Variants in GULP1 observed in about 807,000 individuals in gnomAD.
GULP1 encodes GULP PTB domain containing engulfment adaptor 1.
A neutral mutation model predicts 40.9 loss-of-function variants in GULP1; 19 were observed. The observed-to-expected ratio is 0.46, with a 90% CI of 0.32 to 0.68. GULP1 has a LOEUF of 0.68. GULP1 is among the 30% of genes least tolerant of loss of function. The probability of loss-of-function intolerance (pLI) is 0.03; values close to 1 mark genes in which losing one functional copy is unlikely to be tolerated. For missense variants in GULP1, 312 were observed against 362.2 expected, an observed-to-expected ratio of 0.86 and a Z score of 1.12; for synonymous variants, 119 against 117.6, an observed-to-expected ratio of 1.01 and a Z score of -0.08.
In GULP1 at chr2:188,412,255, T is replaced by G. The variant is rs1031845093; in HGVS notation, c.-45+28366T>G. Among the ~76,000 whole-genome samples the G allele has an allele frequency of 6.7e-4, 102 of 152,204 alleles. 1 individual carries two copies. The highest frequency in any genetic ancestry group is 2.1e-3 in the African/African-American group (89 of 41,532). On this transcript the variant is annotated intron_variant, in intron 2 of 11. Coordinates refer to ENST00000409830, the MANE Select transcript of GULP1 (RefSeq NM_016315.4). ...TAAAACCATCAGATCTCGTGAGAACTCACTCACTTTCATGAGAATAGCAAA... is the reference window on the plus strand; with the variant it reads ...TAAAACCATCAGATCTCGTGAGAACGCACTCACTTTCATGAGAATAGCAAA...
Position 188,563,545 on chromosome 2 carries a change from AT to A in GULP1, c.400-5686del, listed in dbSNP as rs555444563. On this transcript the variant is annotated intron_variant, in intron 7 of 11. Transcript: ENST00000409830. ...TATATTTATATTTTTAAAAAATTAT[AT>A]TTTTTTTATCTTTTTTTTATATTTT... Among the ~76,000 whole-genome samples, 313 of 149,338 alleles carry A rather than the reference AT, an allele frequency of 2.1e-3. 1 individual carries two copies. Among genetic ancestry groups the A allele is most frequent in the African/African-American group, 4.4e-3 (182 of 40,946 alleles).
At chr2:188,592,732 G>C (rs184976450) in intron 11 of GULP1, 1 of 151,922 alleles carries the variant, frequency 6.6e-6, no homozygotes, top group Non-Finnish European at 1.5e-5. Context: ...GTTTACATTG[G>C]ATTTATAGAA....
At position 188,541,219 on chromosome 2, in the gene GULP1, T is replaced by G. The variant is rs1690398372; in HGVS notation, c.300T>G (p.Phe100Leu). Residue 100 changes from phenylalanine to leucine, a missense_variant, in exon 7 of 12, where the codon TTT (phenylalanine) becomes TTG (leucine). Coordinates refer to ENST00000409830, the MANE Select transcript of GULP1 (RefSeq NM_016315.4). ...QHNCQLHRIS[F>L]CADDKTDKRI... Reference sequence around the variant, plus strand: ...ATTGCCAGCTTCATAGAATATCTTTTTGTGCAGATGATAAAACTGACAAGA... The same window carrying G: ...ATTGCCAGCTTCATAGAATATCTTTGTGTGCAGATGATAAAACTGACAAGA... 3 of 1,612,294 alleles carry G rather than the reference T, an allele frequency of 1.9e-6. No homozygotes were observed. Among genetic ancestry groups the G allele is most frequent in the Non-Finnish European group, 2.5e-6 (3 of 1,178,514 alleles).
chr2:188,337,296 G>A (rs1227888170), intron 1 of GULP1, among the ~76,000 whole-genome samples: 3 of 151,610 alleles, frequency 2.0e-5, no homozygotes, highest in Admixed American at 6.6e-5. Context: ...GCGCCACCAC[G>A]CCCAGCTAGT....
chr2:188,303,705 A>C (rs191066627), intron 1 of GULP1, among the ~76,000 whole-genome samples: 1 of 152,310 alleles, frequency 6.6e-6, no homozygotes, highest in Non-Finnish European at 1.5e-5. Flanking sequence ...GACATTAGAG[A>C]AGCAGTTATT....
chr2:188,494,646 C>A (rs994343229), intron 4 of GULP1, among the ~76,000 whole-genome samples: 2 of 151,818 alleles, frequency 1.3e-5, no homozygotes, highest in Non-Finnish European at 2.9e-5. Context: ...AAAAGAGGAG[C>A]GAGCATTTTT....
At position 188,364,740 on chromosome 2, in the gene GULP1, A is replaced by G. The variant is rs10198410; in HGVS notation, c.-171-19023A>G. On this transcript the variant is annotated intron_variant, in intron 1 of 11. Coordinates refer to ENST00000409830, the MANE Select transcript of GULP1 (RefSeq NM_016315.4). ...GTATGTATATATCATATACATATCT[A>G]TATATATGATACATATACATATATA... Among the ~76,000 whole-genome samples the G allele has an allele frequency of 5.2e-3, 779 of 150,210 alleles. 6 individuals carry two copies. The highest frequency in any genetic ancestry group is 0.018 in the African/African-American group (749 of 40,966).
intron 2 of GULP1, among the ~76,000 whole-genome samples, chr2:188,401,197 T>C (rs1217848933): frequency 6.6e-6 from 1 of 152,086 alleles, no homozygotes; most frequent in Non-Finnish European, 1.5e-5. Context: ...AAAGGAGTAT[T>C]ATGCGGAATT....
Position 188,476,379 on chromosome 2 carries a change from T to C in GULP1, c.-44-1280T>C, listed in dbSNP as rs116656096. Among the ~76,000 whole-genome samples the C allele has an allele frequency of 5.9e-3, 899 of 152,176 alleles. 12 individuals carry two copies. The highest frequency in any genetic ancestry group is 0.021 in the African/African-American group (868 of 41,526). On this transcript the variant is annotated intron_variant, in intron 2 of 11. Coordinates refer to ENST00000409830, the MANE Select transcript of GULP1 (RefSeq NM_016315.4). ...TCTAACAGCTGAGACCTCTAGGCAA[T>C]AGTGGGCAGAGAGTGGGGAAAGTTT...
chr2:188,595,272 A>G lies in GULP1; in HGVS notation c.*1261A>G, dbSNP rs1456383013. ...CTAACTTGGTTCATCACATTATAAGATAAATAAATTAAATTAATGAAAATG... is the reference window on the plus strand; with the variant it reads ...CTAACTTGGTTCATCACATTATAAGGTAAATAAATTAAATTAATGAAAATG... On this transcript the variant is annotated 3_prime_UTR_variant, in exon 12 of 12. Coordinates refer to ENST00000409830, the MANE Select transcript of GULP1 (RefSeq NM_016315.4). 1 of 151,772 alleles carries G rather than the reference A, an allele frequency of 6.6e-6. No homozygotes were observed. The highest frequency in any genetic ancestry group is 1.5e-5 in the Non-Finnish European group (1 of 67,728). The allele number at this position is 151,772 out of a possible 1,614,324, so 9.4% of individuals were successfully genotyped here.
chr2:188,512,353 G>A (rs1273707009), intron 4 of GULP1, among the ~76,000 whole-genome samples: 1 of 151,886 alleles, frequency 6.6e-6, no homozygotes, highest in Non-Finnish European at 1.5e-5. Context: ...TAAAAAGTAG[G>A]AATTATTCTC....
chr2:188,508,191 CA>C (rs1320968462), intron 4 of GULP1, among the ~76,000 whole-genome samples: 6 of 151,794 alleles, frequency 4.0e-5, no homozygotes, highest in Admixed American at 1.3e-4. Flanking sequence ...AGGGTTCGAA[CA>C]AAACCCATTA....
At position 188,408,258 on chromosome 2, in the gene GULP1, G is replaced by A. The variant is rs73040433; in HGVS notation, c.-45+24369G>A. On this transcript the variant is annotated intron_variant, in intron 2 of 11. Transcript: ENST00000409830. ...CACCAGATGCCAGCACCATACTCTT[G>A]GACATCTCAGCCTCTAGAACTGCGA... Among the ~76,000 whole-genome samples the A allele has an allele frequency of 2.6e-3, 391 of 152,164 alleles. 2 individuals are homozygous for A. Among genetic ancestry groups the A allele is most frequent in the African/African-American group, 8.9e-3 (369 of 41,498 alleles).
chr2:188,307,595 A>G (rs1477744596), intron 1 of GULP1, among the ~76,000 whole-genome samples: 2 of 152,186 alleles, frequency 1.3e-5, no homozygotes, highest in Non-Finnish European at 2.9e-5. Flanking sequence ...TTATATAATT[A>G]ATTTATGCTG....
chr2:188,395,092 T>C (rs954859085), intron 2 of GULP1, among the ~76,000 whole-genome samples: 1 of 152,162 alleles, frequency 6.6e-6, no homozygotes, highest in Non-Finnish European at 1.5e-5. Context: ...TATCCAGTAG[T>C]GGACAGAGGT....
chr2:188,438,856 T>C (rs1007458211), intron 2 of GULP1, among the ~76,000 whole-genome samples: 2 of 152,054 alleles, frequency 1.3e-5, no homozygotes, highest in Non-Finnish European at 2.9e-5. Flanking sequence ...TATGTTTTCA[T>C]GTCTGTAACA....
intron 4 of GULP1, among the ~76,000 whole-genome samples, chr2:188,494,204 T>G (rs1295944655): frequency 6.6e-6 from 1 of 151,978 alleles, no homozygotes; most frequent in African/African-American, 2.4e-5. Context: ...AAAAAAACAC[T>G]CTTCCACAGG....
chr2:188,544,372 C>T (rs922415643), intron 7 of GULP1, among the ~76,000 whole-genome samples: 2 of 151,854 alleles, frequency 1.3e-5, no homozygotes, highest in African/African-American at 4.8e-5. Context: ...TGTAGAAAAT[C>T]TTATCAAACA....
chr2:188,311,960 T>C (rs1383119130), intron 1 of GULP1, among the ~76,000 whole-genome samples: 1 of 150,416 alleles, frequency 6.6e-6, no homozygotes, highest in African/African-American at 2.4e-5. Context: ...TCAAACTGGC[T>C]TTTTAACAAA....
Sources: gnomAD v4.1 joint callset for allele counts (sites outside exome capture counted in the v4.1 genomes callset) on GRCh38, gnomAD v4.1.1 for gene constraint, MANE v1.5 for transcripts, NCBI Gene and HGNC (gene_info 2026-07-23, HGNC 2026-07-21) for gene names.